The following HTR2C variants were observed in gnomAD, a reference collection of about 807,000 sequenced individuals.
HTR2C encodes the protein 5-hydroxytryptamine (serotonin) receptor 2C, G protein-coupled.
A neutral mutation model predicts 21.0 loss-of-function variants in HTR2C; 5 were observed. The ratio of observed to expected loss-of-function variants is 0.24; its 90% CI spans 0.12 to 0.50. The LOEUF (loss-of-function observed/expected upper bound fraction) is 0.50, where lower values mean the gene tolerates loss of function less well. Ranked by LOEUF, HTR2C falls within the 20% of genes least tolerant of loss-of-function variation. HTR2C has a pLI of 0.98. For missense variants in HTR2C, 271 were observed against 371.2 expected (o/e 0.73, Z 2.22); for synonymous variants, 150 against 145.3 (o/e 1.03, Z -0.23).
chrX:114,620,371 C>T (rs1459920191), intron 2 of HTR2C, among the ~76,000 whole-genome samples: 2 of 111,915 alleles, frequency 1.8e-5, no homozygotes, highest in African/African-American at 6.5e-5. Context: ...AATCATATCA[C>T]TGCTATGCTT....
Position 114,824,014 on chromosome X carries a change from A to T in HTR2C, c.350-23989A>T, listed in dbSNP as rs1443596539. On this transcript the variant is annotated intron_variant, in intron 4 of 5. Coordinates refer to ENST00000276198, the MANE Select transcript of HTR2C (RefSeq NM_000868.4). ...GAGGGTCAAGGTAAGATAGTAAATTAAAAAATATGTCTCAAAGTCAGAAGA... is the reference window on the plus strand; with the variant it reads ...GAGGGTCAAGGTAAGATAGTAAATTTAAAAATATGTCTCAAAGTCAGAAGA... 4.5e-5 allele frequency among the ~76,000 whole-genome samples: 5 copies of T among 112,191 alleles called. No individual in the cohort carries two copies. In the South Asian group the frequency reaches 1.1e-3, roughly 25 times the overall value.
intron 2 of HTR2C, among the ~76,000 whole-genome samples, chrX:114,689,208 GTATATATATA>G (rs58916694): frequency 1.4e-5 from 1 of 72,740 alleles, no homozygotes; most frequent in Admixed American, 1.8e-4. Context: ...GTATGTATGC[GTATATATATA>G]TATATATATA....
intron 5 of HTR2C, among the ~76,000 whole-genome samples, chrX:114,893,416 C>A (rs781863011): frequency 4.9e-4 from 54 of 111,178 alleles, no homozygotes; most frequent in African/African-American, 1.7e-3. Flanking sequence ...CATAAACTAT[C>A]AGTTTTCCAA....
At chrX:114,861,905 C>T (rs1556473052) in intron 5 of HTR2C, among the ~76,000 whole-genome samples, 1 of 111,388 alleles carries the variant, frequency 9.0e-6, no homozygotes, top group Non-Finnish European at 1.9e-5. Context: ...ATATGGTTTG[C>T]AAATATTTTT....
chrX:114,702,026 A>C (rs1420910987), intron 2 of HTR2C, among the ~76,000 whole-genome samples: 16 of 109,086 alleles, frequency 1.5e-4, no homozygotes, highest in Non-Finnish European at 3.1e-4. Context: ...AATAAAGAGA[A>C]ACGAACAAAG....
chrX:114,686,389 C>T (rs1931913787), intron 2 of HTR2C, among the ~76,000 whole-genome samples: 1 of 111,178 alleles, frequency 9.0e-6, no homozygotes, highest in Non-Finnish European at 1.9e-5. Context: ...AGTACTATTA[C>T]TCTTGCTTTT....
chrX:114,878,184 A>G (rs782557703), intron 5 of HTR2C, among the ~76,000 whole-genome samples: 4 of 110,590 alleles, frequency 3.6e-5, no homozygotes, highest in Admixed American at 9.7e-5. Context: ...CTTTTGATGA[A>G]ATTAACCCTT....
chrX:114,646,816 G>A (rs782591860), intron 2 of HTR2C, among the ~76,000 whole-genome samples: 7 of 111,579 alleles, frequency 6.3e-5, no homozygotes, highest in Admixed American at 9.5e-5. Context: ...GTCTTTAATC[G>A]CCTTTAAGTT....
rs782232113 is a variant in HTR2C, at chrX:114,708,275, ACATAT to A, written c.-79-18580_-79-18576del. On this transcript the variant is annotated intron_variant, in intron 2 of 5. Coordinates refer to ENST00000276198, the MANE Select transcript of HTR2C (RefSeq NM_000868.4). ...TTCACATACTATCAAATTTTTGGCC[ACATAT>A]CAGATTAAACAAAGGCACAGAAAGA... Among the ~76,000 whole-genome samples, 690 of 111,810 alleles carry A rather than the reference ACATAT, an allele frequency of 6.2e-3. 5 individuals are homozygous for A. Among genetic ancestry groups the A allele is most frequent in the African/African-American group, 0.021 (654 of 30,858 alleles).
At position 114,909,699 on chromosome X, in the gene HTR2C, G is replaced by T; in HGVS notation, c.*2284G>T. ...CCAACCTGGTAATTATCCTCAAGTT[G>T]TGTGCTATTCGTAAGTTCTGTGCAG... On this transcript the variant is annotated 3_prime_UTR_variant, in exon 6 of 6. Transcript: ENST00000276198. 8.9e-6 allele frequency: 1 copy of T among 112,415 alleles called. No individual in the cohort carries two copies. Among genetic ancestry groups the T allele is most frequent in the Non-Finnish European group, 1.9e-5 (1 of 53,210 alleles). 9.3% of individuals were successfully genotyped at this position (112,415 alleles called of 1,213,427 possible). A position where few individuals can be genotyped will look rare whatever the true frequency, so the allele number is the denominator to read the frequency against.
intron 2 of HTR2C, among the ~76,000 whole-genome samples, chrX:114,679,472 T>C (rs1003053405): frequency 2.7e-5 from 3 of 109,768 alleles, no homozygotes; most frequent in Non-Finnish European, 5.7e-5. Context: ...AGAGATGGGG[T>C]TTCACCATGT....
At chrX:114,616,106 C>T (rs1928938225) in intron 2 of HTR2C, among the ~76,000 whole-genome samples, 1 of 110,699 alleles carries the variant, frequency 9.0e-6, no homozygotes, top group Non-Finnish European at 1.9e-5. Context: ...AAGGTTGGAG[C>T]TTGATTATTT....
intron 4 of HTR2C, among the ~76,000 whole-genome samples, chrX:114,835,904 C>T (rs1178402769): frequency 3.7e-5 from 4 of 109,152 alleles, no homozygotes; most frequent in Non-Finnish European, 5.7e-5. Flanking sequence ...TCCTTTCTGT[C>T]TGTTAGTTTT....
At chrX:114,689,207 C>CATATATATATAT (rs1556414745) in intron 2 of HTR2C, among the ~76,000 whole-genome samples, 3 of 10,155 alleles carry the variant, frequency 3.0e-4, no homozygotes, top group East Asian at 9.8e-3. Context: ...GGTATGTATG[C>CATATATATATAT]GTATATATAT....
chrX:114,886,738 A>C (rs1465061268), intron 5 of HTR2C, among the ~76,000 whole-genome samples: 1 of 111,245 alleles, frequency 9.0e-6, no homozygotes, highest in Non-Finnish European at 1.9e-5. Context: ...ATGTAATTTT[A>C]TGTCTTTTAA....
chrX:114,795,589 C>T (rs370283981), intron 4 of HTR2C, among the ~76,000 whole-genome samples: 2 of 111,389 alleles, frequency 1.8e-5, no homozygotes, highest in East Asian at 5.6e-4. Context: ...ATATGGCTAG[C>T]CAGTTTTCCC....
At position 114,753,137 on chromosome X, in the gene HTR2C, T is replaced by C. The variant is rs372665831; in HGVS notation, c.349+21530T>C. On this transcript the variant is annotated intron_variant, in intron 4 of 5. Coordinates refer to ENST00000276198, the MANE Select transcript of HTR2C (RefSeq NM_000868.4). ...GTTTTTTTTTATCTCCAGTACCCTC[T>C]CTGGGTACTGGAGAGGCCTGTAACT... Among the ~76,000 whole-genome samples, 114 of 108,860 alleles carry C rather than the reference T, an allele frequency of 1.0e-3. 1 individual carries two copies. The highest frequency in any genetic ancestry group is 3.6e-3 in the African/African-American group (109 of 30,087). The allele number at this position is 108,860 out of a possible 115,157, so 94.5% of individuals were successfully genotyped here. A position where few individuals can be genotyped will look rare whatever the true frequency, so the allele number is the denominator to read the frequency against.
At chrX:114,670,894 G>A (rs1360571515) in intron 2 of HTR2C, among the ~76,000 whole-genome samples, 1 of 111,453 alleles carries the variant, frequency 9.0e-6, no homozygotes, top group Non-Finnish European at 1.9e-5. Context: ...ATTAATGTAC[G>A]AGTTTAGCTG....
intron 4 of HTR2C, among the ~76,000 whole-genome samples, chrX:114,797,805 T>C (rs2070307842): frequency 8.9e-6 from 1 of 111,750 alleles, no homozygotes; most frequent in Non-Finnish European, 1.9e-5. Flanking sequence ...CCAAGAACAG[T>C]ATATATGAAA....
Sources: gnomAD v4.1 joint callset for allele counts (sites outside exome capture counted in the v4.1 genomes callset) on GRCh38, gnomAD v4.1.1 for gene constraint, MANE v1.5 for transcripts, NCBI Gene and HGNC (gene_info 2026-07-23, HGNC 2026-07-21) for gene names.